FXR1: variants seen among roughly 807,000 people sequenced by gnomAD.
The protein encoded by FXR1 is FMR1 autosomal homolog 1, also known as RNA-binding protein FXR1.
A neutral mutation model predicts 84.0 loss-of-function variants in FXR1; 15 were observed. That is an observed-to-expected ratio of 0.18 (90% confidence interval 0.12 to 0.27). The LOEUF is 0.27. Ranked by LOEUF, FXR1 falls within the 10% of genes least tolerant of loss-of-function variation. The pLI, the probability that FXR1 is intolerant of heterozygous loss-of-function variation, is 1.00. For synonymous variants in FXR1, 245 were observed against 250.7 expected (o/e 0.98, Z 0.21); for missense variants, 480 against 774.4 (o/e 0.62, Z 4.51).
rs1220276838 is a variant in FXR1, at chr3:180,977,612, A to G, written c.*1320A>G. The G allele has an allele frequency of 6.6e-6, 1 of 152,114 alleles. No homozygotes were observed. The highest frequency in any genetic ancestry group is 1.5e-5 in the Non-Finnish European group (1 of 67,972). The allele number at this position is 152,114 out of a possible 1,614,324, so 9.4% of individuals were successfully genotyped here. A position where few individuals can be genotyped will look rare whatever the true frequency, so the allele number is the denominator to read the frequency against. ...GAAGATAAAGACATGAAGTTTAACA[A>G]TGGACAACAGTTAGTACAGCTAATT... On this transcript the variant is annotated 3_prime_UTR_variant, in exon 17 of 17. Transcript: ENST00000357559.
intron 1 of FXR1, among the ~76,000 whole-genome samples, chr3:180,930,223 A>G (rs994302263): frequency 1.3e-5 from 2 of 152,022 alleles, no homozygotes; most frequent in Non-Finnish European, 2.9e-5. Context: ...AGATTGCACC[A>G]CTGCACTCCA....
Position 180,977,990 on chromosome 3 carries a change from C to A in FXR1, c.*1698C>A, listed in dbSNP as rs1714388977. On this transcript the variant is annotated 3_prime_UTR_variant, in exon 17 of 17. Coordinates refer to ENST00000357559, the MANE Select transcript of FXR1 (RefSeq NM_005087.4). ...AAGTAAGGTGTGAGTAGTGCAACTCCTGTCCTTTATATATAAAGATATCAA... is the reference window on the plus strand; with the variant it reads ...AAGTAAGGTGTGAGTAGTGCAACTCATGTCCTTTATATATAAAGATATCAA... The A allele has an allele frequency of 6.6e-6, 1 of 151,820 alleles. No individual in the cohort carries two copies. The highest frequency in any genetic ancestry group is 6.6e-5 in the Admixed American group (1 of 15,212). 9.4% of individuals were successfully genotyped at this position (151,820 alleles called of 1,614,324 possible). A position where few individuals can be genotyped will look rare whatever the true frequency, so the allele number is the denominator to read the frequency against.
chr3:180,930,745 C>T (rs1394316552), intron 1 of FXR1, among the ~76,000 whole-genome samples: 5 of 152,048 alleles, frequency 3.3e-5, no homozygotes, highest in African/African-American at 4.8e-5. Flanking sequence ...TTTTTGAAAG[C>T]GAATGTGGTC....
intron 3 of FXR1, among the ~76,000 whole-genome samples, chr3:180,939,153 C>G (rs1480379940): frequency 6.6e-6 from 1 of 152,118 alleles, no homozygotes; most frequent in Non-Finnish European, 1.5e-5. Flanking sequence ...CTCGGCCTCC[C>G]AAAGTGCTGA....
At chr3:180,914,043 G>A (rs1265089201) in intron 1 of FXR1, among the ~76,000 whole-genome samples, 1 of 152,166 alleles carries the variant, frequency 6.6e-6, no homozygotes, top group Non-Finnish European at 1.5e-5. Flanking sequence ...GAATCACAGC[G>A]TATAAAGGAT....
chr3:180,957,771 C>A, intron 9 of FXR1, 48 bp from the exon 10 acceptor site: 1 of 817,218 alleles, frequency 1.2e-6, no homozygotes, highest in Non-Finnish European at 2.0e-6. Context: ...GAAAGAATAG[C>A]AGAATTGAGT....
intron 1 of FXR1, among the ~76,000 whole-genome samples, chr3:180,926,985 T>C (rs1272073439): frequency 6.6e-6 from 1 of 152,124 alleles, no homozygotes; most frequent in Non-Finnish European, 1.5e-5. Flanking sequence ...TCAAGATACC[T>C]GATCTATTGA....
intron 2 of FXR1, among the ~76,000 whole-genome samples, chr3:180,934,004 C>T (rs1274236566): frequency 6.6e-6 from 1 of 152,060 alleles, no homozygotes; most frequent in Non-Finnish European, 1.5e-5. Context: ...ATTCCAGCTA[C>T]TTAGGAGACT....
intron 3 of FXR1, among the ~76,000 whole-genome samples, chr3:180,947,350 A>G (rs1035430076): frequency 6.6e-6 from 1 of 152,170 alleles, no homozygotes; most frequent in Non-Finnish European, 1.5e-5. Flanking sequence ...TCCGGCCTGG[A>G]TAGGAATTTT....
In FXR1 at chr3:180,947,397, T is replaced by C. The variant is rs143166249; in HGVS notation, c.199-468T>C. Among the ~76,000 whole-genome samples the C allele has an allele frequency of 4.9e-3, 744 of 152,332 alleles. 6 individuals carry two copies. The highest frequency in any genetic ancestry group is 0.017 in the African/African-American group (707 of 41,570). ...AATGTATTCTGCTAGATGGACTGAA[T>C]GTGTGTAATTTTTTTGTTCAGTTAA... On this transcript the variant is annotated intron_variant, in intron 3 of 16. Transcript: ENST00000357559.
At chr3:180,959,321 AC>A (rs747894556) in intron 10 of FXR1, among the ~76,000 whole-genome samples, 2 of 150,582 alleles carry the variant, frequency 1.3e-5, no homozygotes, top group Non-Finnish European at 3.0e-5. Context: ...TTAATGCTGT[AC>A]AATGAGTTTT....
rs56345724 is a variant in FXR1, at chr3:180,970,383, A to AATATATATATAT, written c.1603+53_1603+64dup. ...GGTATGTAAGCACTTAGGGAAGAGA[A>AATATATATATAT]ATATATATATATATATATATATATA... On this transcript the variant is annotated intron_variant, in intron 15 of 16. Transcript: ENST00000357559. 1.5e-3 allele frequency: 556 copies of AATATATATATAT among 368,136 alleles called. 6 individuals carry two copies. Among genetic ancestry groups the AATATATATATAT allele is most frequent in the African/African-American group, 6.0e-3 (198 of 32,990 alleles). 22.8% of individuals were successfully genotyped at this position (368,136 alleles called of 1,614,324 possible). A position where few individuals can be genotyped will look rare whatever the true frequency, so the allele number is the denominator to read the frequency against.
chr3:180,940,521 A>G (rs1720999538), intron 3 of FXR1, among the ~76,000 whole-genome samples: 1 of 151,968 alleles, frequency 6.6e-6, no homozygotes, highest in South Asian at 2.1e-4. Flanking sequence ...ACACATAGAC[A>G]CGTTACATAG....
chr3:180,919,031 A>G (rs1158323283), intron 1 of FXR1, among the ~76,000 whole-genome samples: 2 of 152,342 alleles, frequency 1.3e-5, no homozygotes, highest in South Asian at 2.1e-4. Context: ...GTTTTGCCAC[A>G]TTATTACTAA....
intron 15 of FXR1, among the ~76,000 whole-genome samples, chr3:180,975,056 A>G (rs1714061805): frequency 6.6e-6 from 1 of 151,782 alleles, no homozygotes; most frequent in African/African-American, 2.4e-5. Flanking sequence ...AGGGTCAACC[A>G]GAAGCAAATA....
At chr3:180,915,455 T>C in intron 1 of FXR1, 1 of 1,323,786 alleles carries the variant, frequency 7.6e-7, no homozygotes, top group South Asian at 1.3e-5. Flanking sequence ...TGAGTCCGGC[T>C]TCCATTTAGC....
At chr3:180,950,107 ACT>A (rs1455051914) in intron 7 of FXR1, among the ~76,000 whole-genome samples, 1 of 151,772 alleles carries the variant, frequency 6.6e-6, no homozygotes, top group African/African-American at 2.4e-5. Context: ...ATCCTAAGGT[ACT>A]CTGTTTTGTC....
intron 4 of FXR1, 72 bp from the exon 5 acceptor site, chr3:180,948,275 T>C: frequency 9.1e-7 from 1 of 1,098,704 alleles, no homozygotes; most frequent in Non-Finnish European, 1.3e-6. Context: ...CTGAGCAAGG[T>C]AATTAGAACT....
At chr3:180,948,143 A>G (rs1250600420) in intron 4 of FXR1, 7 of 612,862 alleles carry the variant, frequency 1.1e-5, no homozygotes, top group South Asian at 4.2e-5. Flanking sequence ...CACCTCAAGC[A>G]TGTAAGGACC....
Sources: gnomAD v4.1 joint callset for allele counts (sites outside exome capture counted in the v4.1 genomes callset) on GRCh38, gnomAD v4.1.1 for gene constraint, MANE v1.5 for transcripts, NCBI Gene and HGNC (gene_info 2026-07-23, HGNC 2026-07-21) for gene names.